Variants in MYO7A observed in about 807,000 individuals in gnomAD.
The protein encoded by MYO7A is unconventional myosin-VIIa.
Under a neutral mutation model 263.8 loss-of-function variants are expected in MYO7A, and 210 were observed. That is an observed-to-expected ratio of 0.80 (90% CI 0.71 to 0.89). The LOEUF is 0.89. Ranked by LOEUF, MYO7A falls within the 40% of genes least tolerant of loss-of-function variation. The pLI, the probability that MYO7A is intolerant of heterozygous loss-of-function variation, is 0.00. For synonymous variants in MYO7A, 1,239 were observed against 1,197.3 expected (o/e 1.03, Z -0.72); for missense variants, 2,820 against 2,968.3 (o/e 0.95, Z 1.16).
intron 41 of MYO7A, 106 bp downstream of exon 41, chr11:77,206,308 C>T (rs1259911511): frequency 1.1e-5 from 9 of 808,580 alleles, no homozygotes; most frequent in Non-Finnish European, 1.7e-5. Flanking sequence ...CTGACATTTG[C>T]CGCCTCGTCC....
rs1167517143 is a variant in MYO7A, at chr11:77,166,046, C to G, written c.1691-10C>G. ...GCTGGTGAGAGGTGACTGCTGTTTGCTGCTTGCAGGCTTCCTGGAGAAGAA... is the reference window on the plus strand; with the variant it reads ...GCTGGTGAGAGGTGACTGCTGTTTGGTGCTTGCAGGCTTCCTGGAGAAGAA... On this transcript the variant is annotated splice_polypyrimidine_tract_variant and intron_variant, in intron 14 of 48. Coordinates refer to ENST00000409709, the MANE Select transcript of MYO7A (RefSeq NM_000260.4). 4 of 1,609,674 alleles carry G rather than the reference C, an allele frequency of 2.5e-6. No individual in the cohort carries two copies. Among genetic ancestry groups the G allele is most frequent in the South Asian group, 1.1e-5 (1 of 90,682 alleles).
chr11:77,167,311 C>T (rs567617906), intron 15 of MYO7A, among the ~76,000 whole-genome samples: 2 of 152,134 alleles, frequency 1.3e-5, no homozygotes, highest in Admixed American at 6.5e-5. Flanking sequence ...CCCTTGGAGG[C>T]GTCAATCCCC....
Position 77,201,345 on chromosome 11 carries a change from C to T in MYO7A, c.4853-103C>T. ...TTGTGACAAGGTGGAGGCAGAGTGG[C>T]AAGTGGGCAGACATGAGTGATAACA... On this transcript the variant is annotated intron_variant, in intron 35 of 48. Transcript: ENST00000409709. The T allele has an allele frequency of 3.4e-6, 4 of 1,165,984 alleles. No individual in the cohort carries two copies. The South Asian group carries it at 4.4e-5, about 13-fold the overall frequency. The allele number at this position is 1,165,984 out of a possible 1,614,324, so 72.2% of individuals were successfully genotyped here. A position where few individuals can be genotyped will look rare whatever the true frequency, so the allele number is the denominator to read the frequency against.
chr11:77,131,584 C>T (rs781863868), intron 2 of MYO7A, among the ~76,000 whole-genome samples: 1 of 152,218 alleles, frequency 6.6e-6, no homozygotes, highest in African/African-American at 2.4e-5. Context: ...AAAGTCCATT[C>T]GCTGAGTGTT....
chr11:77,174,872 G>A lies in MYO7A; in HGVS notation c.2052G>A (p.Arg684=). 6.2e-7 allele frequency: 1 copy of A among 1,613,718 alleles called. No homozygotes were observed. The highest frequency in any genetic ancestry group is 8.5e-7 in the Non-Finnish European group (1 of 1,179,886). The change falls in exon 17 of 49, where the codon CGG becomes CGA. Residue 684 remains arginine (R), a synonymous_variant. Coordinates refer to ENST00000409709, the MANE Select transcript of MYO7A (RefSeq NM_000260.4). ...IRYSFVEFVE[R]YRVLLPGVKP... The stretch of plus-strand genomic sequence containing the variant: ...ACAGCTTCGTAGAGTTTGTGGAGCG[G>A]TACCGTGTGCTGCTGCCAGGTGTGA...
chr11:77,204,796 A>T (rs1489330797), intron 39 of MYO7A, among the ~76,000 whole-genome samples: 1 of 151,996 alleles, frequency 6.6e-6, no homozygotes, highest in Non-Finnish European at 1.5e-5. Flanking sequence ...CACCCTCTAC[A>T]TCTCTTCCAC....
chr11:77,195,766 G>T (rs1328217180), intron 32 of MYO7A, among the ~76,000 whole-genome samples: 1 of 152,220 alleles, frequency 6.6e-6, no homozygotes, highest in East Asian at 1.9e-4. Context: ...GTTTTTGTAG[G>T]GTGGGAGGGT....
At chr11:77,165,025 G>T (rs571451480) in intron 14 of MYO7A, among the ~76,000 whole-genome samples, 1 of 152,332 alleles carries the variant, frequency 6.6e-6, no homozygotes, top group East Asian at 1.9e-4. Flanking sequence ...AAGCTTGTAG[G>T]CACTATCCTT....
At chr11:77,142,658 C>A in intron 2 of MYO7A, 51 bp from the exon 3 acceptor site, 8 of 1,476,128 alleles carry the variant, frequency 5.4e-6, no homozygotes, top group Non-Finnish European at 4.7e-6. Flanking sequence ...CTGGAAGGGG[C>A]TCCAATCCCC....
intron 29 of MYO7A, 72 bp from the exon 30 acceptor site, chr11:77,190,625 A>T (rs1398223907): frequency 1.5e-5 from 22 of 1,493,706 alleles, no homozygotes; most frequent in Non-Finnish European, 2.0e-5. Context: ...CAGAAAGCAG[A>T]GAGCCAAAGT....
intron 48 of MYO7A, among the ~76,000 whole-genome samples, chr11:77,214,351 T>G (rs898342388): frequency 2.0e-5 from 3 of 152,156 alleles, no homozygotes; most frequent in Non-Finnish European, 4.4e-5. Context: ...GGGTCACTCT[T>G]GGAGGGAGGG....
intron 39 of MYO7A, among the ~76,000 whole-genome samples, chr11:77,205,240 C>T (rs911859301): frequency 2.0e-5 from 3 of 152,216 alleles, no homozygotes; most frequent in African/African-American, 4.8e-5. Flanking sequence ...TGGCCTGGCG[C>T]GGTGGGCCAG....
intron 15 of MYO7A, among the ~76,000 whole-genome samples, chr11:77,171,186 C>T (rs1208251026): frequency 5.9e-5 from 9 of 152,240 alleles, no homozygotes; most frequent in East Asian, 1.9e-4. Flanking sequence ...TGTGTACACG[C>T]GGTGGTATGC....
chr11:77,196,228 G>A (rs556090222), intron 32 of MYO7A, among the ~76,000 whole-genome samples: 3 of 152,196 alleles, frequency 2.0e-5, no homozygotes, highest in South Asian at 2.1e-4. Flanking sequence ...TTCACCAGGC[G>A]TGGTGGTGGG....
intron 24 of MYO7A, 72 bp from the exon 25 acceptor site, chr11:77,182,352 A>G (rs915010864): frequency 1.3e-6 from 2 of 1,502,576 alleles, no homozygotes; most frequent in East Asian, 2.4e-5. Flanking sequence ...CCACTCCCCA[A>G]ACCGCCAGGT....
At chr11:77,192,979 T>TG (rs1565442798) in intron 31 of MYO7A, among the ~76,000 whole-genome samples, 189 of 12,830 alleles carry the variant, frequency 0.015, 28 homozygotes, top group African/African-American at 0.095. Flanking sequence ...TGGAGGTAGT[T>TG]GTGATGGTGG....
Position 77,179,894 on chromosome 11 carries a change from G to T in MYO7A, c.2527G>T (p.Val843Leu), listed in dbSNP as rs140559111. 3 of 1,539,720 alleles carry T rather than the reference G, an allele frequency of 1.9e-6. No homozygotes were observed. The highest frequency in any genetic ancestry group is 1.2e-5 in the South Asian group (1 of 83,944). ...FRHRLWAVLTVQAYARGMIAR... is the reference protein window; with the variant it reads ...FRHRLWAVLTLQAYARGMIAR... Reference sequence around the variant, plus strand: ...CCACCGCCTCTGGGCTGTGCTCACCGTGCAGGCCTATGCCCGGGGCATGAT... The same window carrying T: ...CCACCGCCTCTGGGCTGTGCTCACCTTGCAGGCCTATGCCCGGGGCATGAT... Residue 843 changes from valine to leucine, a missense_variant, in exon 21 of 49, where the codon GTG becomes TTG. Physicochemically the swap from Val to Leu is conservative, Grantham distance 32. Coordinates refer to ENST00000409709, the MANE Select transcript of MYO7A (RefSeq NM_000260.4).
At position 77,185,473 on chromosome 11, in the gene MYO7A, C is replaced by G. The variant is rs142715719; in HGVS notation, c.3503+758C>G. 8.0e-4 allele frequency among the ~76,000 whole-genome samples: 122 copies of G among 152,322 alleles called. 1 individual carries two copies. The highest frequency in any genetic ancestry group is 2.8e-3 in the African/African-American group (115 of 41,572). On this transcript the variant is annotated intron_variant, in intron 27 of 48. Coordinates refer to ENST00000409709, the MANE Select transcript of MYO7A (RefSeq NM_000260.4). ...TCAAGAAACCACTTTCTTTGCTCCTCCATAAGAGGCAACTCCTCATCCACT... is the reference window on the plus strand; with the variant it reads ...TCAAGAAACCACTTTCTTTGCTCCTGCATAAGAGGCAACTCCTCATCCACT...
intron 27 of MYO7A, among the ~76,000 whole-genome samples, chr11:77,188,720 A>G (rs1465155846): frequency 6.6e-6 from 1 of 152,210 alleles, no homozygotes; most frequent in Non-Finnish European, 1.5e-5. Flanking sequence ...CTTCACAGCA[A>G]TCTTGTAAGG....
Sources: allele counts gnomAD v4.1 joint callset (sites outside exome capture counted in the v4.1 genomes callset), GRCh38; gene constraint gnomAD v4.1.1; transcripts MANE v1.5; gene names NCBI Gene and HGNC (gene_info 2026-07-23, HGNC 2026-07-21).